The following ZNF831 variants were observed in gnomAD, a reference collection of about 807,000 sequenced individuals.
The protein encoded by ZNF831 is chromosome 20 open reading frame 174.
In ZNF831, 59 loss-of-function variants were observed where a neutral mutation model predicts 95.8. That is an observed-to-expected ratio of 0.62 (90% CI 0.50 to 0.77). ZNF831 has a LOEUF of 0.77. ZNF831 is among the 30% of genes least tolerant of loss of function. ZNF831 has a pLI of 0.00. For missense variants in ZNF831, 2,205 were observed against 2,164.0 expected (o/e 1.02, Z -0.38); for synonymous variants, 961 against 925.5 (o/e 1.04, Z -0.70).
chr20:59,225,363 G>GT (rs1371441239), intron 4 of ZNF831, among the ~76,000 whole-genome samples: 2 of 152,306 alleles, frequency 1.3e-5, no homozygotes, highest in East Asian at 3.9e-4. Context: ...AAGTCTTTCA[G>GT]TGCTTCTGAG....
In ZNF831 at chr20:59,201,186, G is replaced by A. The variant is rs971635539; in HGVS notation, c.3875+5181G>A. ...TAGTTTTAGTCATTTGAATAGTTAT[G>A]TAGTGGTATCTCTTTATAGCTTGAA... On this transcript the variant is annotated intron_variant, in intron 3 of 5. Transcript: ENST00000371030. 3.3e-5 allele frequency among the ~76,000 whole-genome samples: 5 copies of A among 152,248 alleles called. No homozygotes were observed. The East Asian group carries it at 7.7e-4, about 23-fold the overall frequency.
upstream of ZNF831, among the ~76,000 whole-genome samples, chr20:59,161,233 C>A (rs79143417): frequency 1.6e-4 from 24 of 152,182 alleles, no homozygotes; most frequent in East Asian, 4.6e-3. Context: ...TTTTCAACAC[C>A]CCCAAAGAAA....
At chr20:59,157,828 C>G (rs948286260) in intron 2 of ZNF831, among the ~76,000 whole-genome samples, 4 of 152,124 alleles carry the variant, frequency 2.6e-5, no homozygotes, top group Admixed American at 2.0e-4. Flanking sequence ...ATTTTGTTCC[C>G]CATCTGGGCC....
In ZNF831 at chr20:59,208,342, T is replaced by C. The variant is rs1446076041; in HGVS notation, c.4027+1286T>C. Among the ~76,000 whole-genome samples, 1 of 152,018 alleles carries C rather than the reference T, an allele frequency of 6.6e-6. No individual in the cohort carries two copies. The highest frequency in any genetic ancestry group is 1.5e-5 in the Non-Finnish European group (1 of 67,998). On this transcript the variant is annotated intron_variant, in intron 4 of 5. Coordinates refer to ENST00000371030, the MANE Select transcript of ZNF831 (RefSeq NM_178457.3). This position sits in a 1 kb window ranked among gnomAD's most constrained non-coding sequence, Gnocchi z 4.2. ...CATCTCAGGGCTAAATGCTGGTCTG[T>C]ACCACCAGGACAAGAGGATGTCTCC...
Position 59,193,240 on chromosome 20 carries a change from T to C in ZNF831, c.2221T>C (p.Cys741Arg). 1 of 1,602,814 alleles carries C rather than the reference T, an allele frequency of 6.2e-7. No homozygotes were observed. The highest frequency in any genetic ancestry group is 8.5e-7 in the Non-Finnish European group (1 of 1,174,776). The stretch of plus-strand genomic sequence containing the variant: ...TGCACTGGGTGGCAGAGACAGTCCC[T>C]GTTCAGGCAGTAGGAGCCCCCTGGT... ...SPALGGRDSP[C>R]SGSRSPLVSP... Residue 741 changes from cysteine (C) to arginine (R), a missense_variant, in exon 2 of 6, where the codon TGT becomes CGT. Coordinates refer to ENST00000371030, the MANE Select transcript of ZNF831 (RefSeq NM_178457.3).
At chr20:59,250,534 G>A (rs753740281) in intron 4 of ZNF831, among the ~76,000 whole-genome samples, 1 of 152,144 alleles carries the variant, frequency 6.6e-6, no homozygotes, top group African/African-American at 2.4e-5. Flanking sequence ...AGCGAAGATT[G>A]CTGTATTTCT....
intron 3 of ZNF831, among the ~76,000 whole-genome samples, chr20:59,205,420 C>T (rs1984825422): frequency 6.6e-6 from 1 of 152,206 alleles, no homozygotes; most frequent in African/African-American, 2.4e-5. Context: ...CTCCCCCCAG[C>T]CGGGGAATGA....
intron 3 of ZNF831, among the ~76,000 whole-genome samples, chr20:59,196,683 C>T (rs1417974639): frequency 1.3e-5 from 2 of 152,212 alleles, no homozygotes; most frequent in South Asian, 2.1e-4. Flanking sequence ...ACCCTCATCC[C>T]ATTCTCTAAT....
chr20:59,248,263 AGT>A (rs1410505776), intron 4 of ZNF831, among the ~76,000 whole-genome samples: 2 of 152,240 alleles, frequency 1.3e-5, no homozygotes, highest in Non-Finnish European at 2.9e-5. Context: ...TGATTCATAC[AGT>A]GTGATGCTGA....
In ZNF831 at chr20:59,191,097, C is replaced by T. The variant is rs374861423; in HGVS notation, c.78C>T (p.Ala26=). The part of the protein sequence containing the change: ...QPAPTPGPPG[A]PGGQASPHLT... ...CTCCCACTCCTGGCCCTCCAGGGGC[C>T]CCAGGTGGCCAGGCCTCACCTCACC... Residue 26 remains alanine (A), a synonymous_variant, in exon 2 of 6, where the codon GCC becomes GCT. Coordinates refer to ENST00000371030, the MANE Select transcript of ZNF831 (RefSeq NM_178457.3). The T allele has an allele frequency of 9.6e-6, 15 of 1,558,400 alleles. No individual in the cohort carries two copies. The highest frequency in any genetic ancestry group is 1.7e-4 in the Middle Eastern group (1 of 5,874).
At chr20:59,243,321 C>G (rs1416666050) in intron 4 of ZNF831, among the ~76,000 whole-genome samples, 1 of 152,178 alleles carries the variant, frequency 6.6e-6, no homozygotes, top group Non-Finnish European at 1.5e-5. Flanking sequence ...GAAAACTGCT[C>G]AGACAGGTAC....
chr20:59,196,103 T>C (rs1984086118), intron 3 of ZNF831, 98 bp downstream of exon 3: 5 of 1,495,392 alleles, frequency 3.3e-6, no homozygotes, highest in African/African-American at 2.8e-5. Flanking sequence ...AAAGAGTTCC[T>C]GTTTCCTAGG....
chr20:59,166,897 A>G (rs1330826288), intron 1 of ZNF831, among the ~76,000 whole-genome samples: 2 of 152,272 alleles, frequency 1.3e-5, no homozygotes, highest in Non-Finnish European at 2.9e-5. Context: ...ACATTCATGT[A>G]CAAGCTTTTG....
At chr20:59,181,898 G>A (rs1982646658) in intron 1 of ZNF831, among the ~76,000 whole-genome samples, 1 of 152,046 alleles carries the variant, frequency 6.6e-6, no homozygotes, top group Non-Finnish European at 1.5e-5. Context: ...CTTTCCATGA[G>A]CATGGAATGT....
chr20:59,136,256 C>T (rs994111998), intron 1 of ZNF831, among the ~76,000 whole-genome samples: 4 of 152,196 alleles, frequency 2.6e-5, no homozygotes, highest in African/African-American at 9.6e-5. Flanking sequence ...GCTGCTGCTT[C>T]ATTGCCCTGC....
intron 4 of ZNF831, among the ~76,000 whole-genome samples, chr20:59,232,045 T>C (rs1345081964): frequency 6.6e-6 from 1 of 152,170 alleles, no homozygotes; most frequent in East Asian, 1.9e-4. Context: ...GGAGATCTTA[T>C]GGATAGACCC....
intron 4 of ZNF831, among the ~76,000 whole-genome samples, chr20:59,245,590 C>T (rs1390270024): frequency 6.6e-6 from 1 of 152,196 alleles, no homozygotes; most frequent in Non-Finnish European, 1.5e-5. Flanking sequence ...GGAGCATCCC[C>T]TCCACTCCGA....
chr20:59,176,894 T>C (rs1262585110), intron 1 of ZNF831, among the ~76,000 whole-genome samples: 3 of 152,366 alleles, frequency 2.0e-5, no homozygotes, highest in East Asian at 1.9e-4. Flanking sequence ...AATCTGTTGA[T>C]AGCCTGCTAG....
chr20:59,168,863 A>G (rs532076920), intron 1 of ZNF831, among the ~76,000 whole-genome samples: 1 of 152,020 alleles, frequency 6.6e-6, no homozygotes, highest in African/African-American at 2.4e-5. Context: ...TTTTCTTTTT[A>G]CCCTGTTAAT....
Sources: allele counts gnomAD v4.1 joint callset (sites outside exome capture counted in the v4.1 genomes callset), GRCh38; gene constraint gnomAD v4.1.1; non-coding constraint Gnocchi (gnomAD v3.1); transcripts MANE v1.5; gene names NCBI Gene and HGNC (gene_info 2026-07-23, HGNC 2026-07-21).